Variants in CADM2 observed in about 807,000 individuals in gnomAD.
CADM2 encodes the protein immunoglobulin superfamily member 4D.
In CADM2, 12 loss-of-function variants were observed where a neutral mutation model predicts 49.8. That is an observed-to-expected ratio of 0.24 (90% confidence interval 0.15 to 0.39). The LOEUF is 0.39. Ranked by LOEUF, CADM2 falls within the 10% of genes least tolerant of loss-of-function variation. The pLI is 1.00. For missense variants in CADM2, 378 were observed against 492.3 expected (o/e 0.77, Z 2.20); for synonymous variants, 214 against 175.4 (o/e 1.22, Z -1.74).
At chr3:85,430,873 C>T (rs1410718331) in intron 1 of CADM2, among the ~76,000 whole-genome samples, 1 of 152,002 alleles carries the variant, frequency 6.6e-6, no homozygotes, top group African/African-American at 2.4e-5. Context: ...AAGAATTTGG[C>T]CTATTAAAGG....
At chr3:85,748,155 T>C (rs1177432839) in intron 2 of CADM2, among the ~76,000 whole-genome samples, 1 of 152,058 alleles carries the variant, frequency 6.6e-6, no homozygotes, top group African/African-American at 2.4e-5. Flanking sequence ...AAAAAGAAGA[T>C]TATGTAGATT....
intron 1 of CADM2, among the ~76,000 whole-genome samples, chr3:85,305,424 G>A (rs943070016): frequency 6.6e-6 from 1 of 151,540 alleles, no homozygotes; most frequent in Non-Finnish European, 1.5e-5. Context: ...CATATGTACA[G>A]ACAGTCATTA....
intron 1 of CADM2, among the ~76,000 whole-genome samples, chr3:85,710,201 C>A (rs1459222438): frequency 2.0e-5 from 3 of 152,088 alleles, no homozygotes; most frequent in Non-Finnish European, 4.4e-5. Flanking sequence ...AGCTAAAAGA[C>A]CTCCTTCCTC....
chr3:85,311,964 T>A (rs1382851714), intron 1 of CADM2, among the ~76,000 whole-genome samples: 2 of 152,186 alleles, frequency 1.3e-5, no homozygotes, highest in Non-Finnish European at 2.9e-5. Context: ...AAGCGTCTAC[T>A]CAATCAGTGT....
chr3:85,944,824 A>G (rs138429391), intron 7 of CADM2, among the ~76,000 whole-genome samples: 9 of 152,252 alleles, frequency 5.9e-5, no homozygotes, highest in African/African-American at 2.2e-4. Flanking sequence ...AAGACAAAGT[A>G]GGAAAGATCT....
chr3:85,590,994 A>G (rs1334284429), intron 1 of CADM2, among the ~76,000 whole-genome samples: 2 of 151,454 alleles, frequency 1.3e-5, no homozygotes, highest in African/African-American at 2.4e-5. Flanking sequence ...TGCTTAAGCT[A>G]GAATAATTCT....
intron 8 of CADM2, among the ~76,000 whole-genome samples, chr3:86,057,193 C>A (rs926252217): frequency 4.6e-5 from 7 of 152,034 alleles, no homozygotes; most frequent in Admixed American, 3.9e-4. Context: ...TCTCCAGGGA[C>A]TTTGCTTATG....
chr3:85,695,608 G>A (rs190890532), intron 1 of CADM2, among the ~76,000 whole-genome samples: 7 of 149,758 alleles, frequency 4.7e-5, no homozygotes, highest in South Asian at 2.1e-4. Flanking sequence ...ACACACACAC[G>A]CACACAAACA....
At chr3:85,450,469 A>G (rs2037703033) in intron 1 of CADM2, among the ~76,000 whole-genome samples, 1 of 152,048 alleles carries the variant, frequency 6.6e-6, no homozygotes, top group African/African-American at 2.4e-5. Flanking sequence ...TATCTACTAA[A>G]TTGGAACTTT....
In CADM2 at chr3:86,068,170, T is replaced by G. The variant is rs1351876444; in HGVS notation, c.*1387T>G. ...TACAAACTGATGAAACAGTGAGTGA[T>G]AGAGAATTTCTGCCATGCTTTTAAC... On this transcript the variant is annotated 3_prime_UTR_variant, in exon 10 of 10. Coordinates refer to ENST00000383699, the MANE Select transcript of CADM2 (RefSeq NM_001167675.2). The G allele has an allele frequency of 6.6e-6, 1 of 152,448 alleles. No individual in the cohort carries two copies. Among genetic ancestry groups the G allele is most frequent in the East Asian group, 1.9e-4 (1 of 5,200 alleles). 9.4% of individuals were successfully genotyped at this position (152,448 alleles called of 1,614,324 possible).
chr3:86,002,152 A>G (rs374654455), intron 8 of CADM2, among the ~76,000 whole-genome samples: 155 of 152,252 alleles, frequency 1.0e-3, no homozygotes, highest in South Asian at 8.9e-3. Flanking sequence ...AATTATAGGA[A>G]CACAGATTCA....
At chr3:85,726,330 T>G (rs1418100013) in intron 1 of CADM2, 192 bp from the exon 2 acceptor site, 1 of 580,554 alleles carries the variant, frequency 1.7e-6, no homozygotes, top group African/African-American at 1.9e-5. Context: ...TACTTTGTCT[T>G]ACTCAAGGAT....
intron 3 of CADM2, among the ~76,000 whole-genome samples, chr3:85,831,727 T>G (rs186342735): frequency 6.6e-6 from 1 of 152,142 alleles, no homozygotes; most frequent in Admixed American, 6.6e-5. Context: ...AGATTTTGGA[T>G]ATTAGACTTT....
chr3:85,631,145 C>T (rs1362916030), intron 1 of CADM2, among the ~76,000 whole-genome samples: 4 of 152,014 alleles, frequency 2.6e-5, no homozygotes, highest in Non-Finnish European at 4.4e-5. Context: ...TCTCTTCGGA[C>T]TGGCTCAGTC....
At chr3:85,485,556 G>A (rs2039384102) in intron 1 of CADM2, among the ~76,000 whole-genome samples, 2 of 152,022 alleles carry the variant, frequency 1.3e-5, no homozygotes, top group South Asian at 4.1e-4. Flanking sequence ...AGTTATTTGA[G>A]TAATGTCATG....
At chr3:85,925,719 A>G (rs1394924361) in intron 6 of CADM2, among the ~76,000 whole-genome samples, 1 of 152,202 alleles carries the variant, frequency 6.6e-6, no homozygotes, top group Non-Finnish European at 1.5e-5. Context: ...ACTTCCTTTC[A>G]GGAGTAAGCA....
At chr3:85,080,177 C>T (rs1356397776) in intron 1 of CADM2, among the ~76,000 whole-genome samples, 3 of 151,878 alleles carry the variant, frequency 2.0e-5, no homozygotes, top group Admixed American at 1.3e-4. Flanking sequence ...ATACCTTGGT[C>T]GGTTCTGTAG....
chr3:85,486,941 A>ATT (rs11412583), intron 1 of CADM2, among the ~76,000 whole-genome samples: 572 of 149,748 alleles, frequency 3.8e-3, no homozygotes, highest in Admixed American at 5.0e-3. Flanking sequence ...ACTTTTAATA[A>ATT]TTTTTTTTTT....
intron 1 of CADM2, among the ~76,000 whole-genome samples, chr3:85,373,182 G>A (rs1356959880): frequency 6.6e-6 from 1 of 152,060 alleles, no homozygotes; most frequent in Non-Finnish European, 1.5e-5. Flanking sequence ...TCAAAAGCAG[G>A]TAAATTATTT....
Sources: allele counts gnomAD v4.1 joint callset (sites outside exome capture counted in the v4.1 genomes callset), GRCh38; gene constraint gnomAD v4.1.1; transcripts MANE v1.5; gene names NCBI Gene and HGNC (gene_info 2026-07-23, HGNC 2026-07-21).